Variants in FANK1 observed in about 807,000 individuals in gnomAD.
FANK1 encodes the protein fibronectin type III and ankyrin repeat domains 1.
FANK1 carries 44 observed loss-of-function variants against 45.3 expected under a neutral mutation model. The ratio of observed to expected loss-of-function variants is 0.97; its 90% CI spans 0.76 to 1.25. FANK1 has a LOEUF of 1.25. Among genes scored for constraint, FANK1 ranks in the 50% most tolerant of loss-of-function variants. The pLI, the probability that FANK1 is intolerant of heterozygous loss-of-function variation, is 0.00. For missense variants in FANK1, 391 were observed against 424.4 expected (o/e 0.92, Z 0.69); for synonymous variants, 149 against 152.5 (o/e 0.98, Z 0.17).
At chr10:125,931,961 G>A (rs955881030) in intron 1 of FANK1, among the ~76,000 whole-genome samples, 1 of 152,058 alleles carries the variant, frequency 6.6e-6, no homozygotes, top group African/African-American at 2.4e-5. Context: ...TGTTGAAAAG[G>A]GTGTCTTTTC....
chr10:125,979,508 C>T (rs1951063840), intron 1 of FANK1, among the ~76,000 whole-genome samples: 1 of 152,180 alleles, frequency 6.6e-6, no homozygotes, highest in African/African-American at 2.4e-5. Flanking sequence ...AATATCCTCT[C>T]CCTATCTTGT....
At chr10:126,008,571 T>C (rs370673257) in intron 8 of FANK1, 21 bp downstream of exon 8, 18 of 1,591,656 alleles carry the variant, frequency 1.1e-5, no homozygotes, top group Non-Finnish European at 1.5e-5. Flanking sequence ...CTCCCGAAAA[T>C]AGGCAGTTTT....
At chr10:125,969,944 T>C (rs547420580) in intron 1 of FANK1, among the ~76,000 whole-genome samples, 22 of 152,120 alleles carry the variant, frequency 1.4e-4, no homozygotes, top group Non-Finnish European at 2.6e-4. Flanking sequence ...GGGTTGGGGG[T>C]AAGGTTATAT....
intron 1 of FANK1, among the ~76,000 whole-genome samples, chr10:125,966,338 T>C (rs1950200338): frequency 6.6e-6 from 1 of 152,148 alleles, no homozygotes; most frequent in African/African-American, 2.4e-5. Flanking sequence ...CTTGCCTCTT[T>C]ATCCCGAGAC....
chr10:125,945,978 G>A (rs187700936), intron 1 of FANK1, among the ~76,000 whole-genome samples: 2,737 of 152,242 alleles, frequency 0.018, 48 homozygotes, highest in Non-Finnish European at 0.03. Flanking sequence ...TAACTGGGAG[G>A]CACCCCGCAG....
Position 125,935,582 on chromosome 10 carries a change from C to T in FANK1, c.13+38927C>T, listed in dbSNP as rs537059263. On this transcript the variant is annotated intron_variant, in intron 1 of 10. Transcript: ENST00000368693. The stretch of plus-strand genomic sequence containing the variant: ...GGAGTTGTCTTTAAGAAAAAGAATG[C>T]TGATTATAAACACAAAAAAGATTAT... Among the ~76,000 whole-genome samples, 42 of 152,152 alleles carry T rather than the reference C, an allele frequency of 2.8e-4. No individual in the cohort carries two copies. In the South Asian group the frequency reaches 7.3e-3, roughly 26 times the overall value.
rs146212509 is a variant in FANK1, at chr10:126,004,966, C to A, written c.622C>A (p.Leu208Met). ...TGGCGCTTCTTGGCAGGCTAGAGAC[C>A]TGGGAGGCTGTACAGCTCTGCACTG... ...RHGASWQARD[L>M]GGCTALHWAA... The change falls in exon 7 of 11, where the codon CTG becomes ATG. Residue 208 changes from leucine (L) to methionine (M), a missense_variant. Coordinates refer to ENST00000368693, the MANE Select transcript of FANK1 (RefSeq NM_145235.5). 4.3e-6 allele frequency: 7 copies of A among 1,614,178 alleles called. No individual in the cohort carries two copies. Among genetic ancestry groups the A allele is most frequent in the African/African-American group, 1.3e-5 (1 of 75,038 alleles).
At chr10:125,997,176 A>G (rs1952396983) in intron 5 of FANK1, among the ~76,000 whole-genome samples, 1 of 152,188 alleles carries the variant, frequency 6.6e-6, no homozygotes, top group Non-Finnish European at 1.5e-5. Context: ...GATTTGTTTC[A>G]TGTGCTTTCA....
intron 1 of FANK1, among the ~76,000 whole-genome samples, chr10:125,913,885 T>C (rs1946233536): frequency 6.6e-6 from 1 of 152,132 alleles, no homozygotes; most frequent in East Asian, 1.9e-4. Context: ...AAACACTTGA[T>C]ATTGACTATG....
At chr10:125,902,128 G>A (rs563208565) in intron 1 of FANK1, among the ~76,000 whole-genome samples, 3 of 152,124 alleles carry the variant, frequency 2.0e-5, no homozygotes, top group Non-Finnish European at 4.4e-5. Context: ...GGGGGAGGAG[G>A]GAGGGATAGC....
intron 1 of FANK1, among the ~76,000 whole-genome samples, chr10:125,925,546 G>A (rs1207044694): frequency 6.6e-6 from 1 of 152,062 alleles, no homozygotes; most frequent in East Asian, 1.9e-4. Context: ...AGTGATGTGT[G>A]CCACCACCGC....
At chr10:125,971,855 T>C (rs964492479) in intron 1 of FANK1, among the ~76,000 whole-genome samples, 5 of 152,246 alleles carry the variant, frequency 3.3e-5, no homozygotes, top group South Asian at 2.1e-4. Flanking sequence ...ATCTCGTGAC[T>C]TTGTGATTCG....
intron 4 of FANK1, among the ~76,000 whole-genome samples, chr10:125,995,913 A>C (rs1382353847): frequency 2.0e-5 from 3 of 152,224 alleles, no homozygotes; most frequent in Non-Finnish European, 2.9e-5. Context: ...GAAATGGTGA[A>C]TATAGCTGCT....
chr10:126,009,310 T>C (rs1475201441), intron 10 of FANK1, 44 bp downstream of exon 10: 1 of 1,614,012 alleles, frequency 6.2e-7, no homozygotes, highest in African/African-American at 1.3e-5. Flanking sequence ...TTTTAGTCCT[T>C]CTAGACTCAG....
intron 1 of FANK1, among the ~76,000 whole-genome samples, chr10:125,905,721 C>T (rs61873380): frequency 9.8e-3 from 907 of 92,902 alleles, no homozygotes; most frequent in Middle Eastern, 0.034. Context: ...AGTCTAGTTT[C>T]GATATCAAGT....
intron 1 of FANK1, among the ~76,000 whole-genome samples, chr10:125,931,446 T>G (rs528175437): frequency 1.3e-5 from 2 of 152,362 alleles, no homozygotes; most frequent in African/African-American, 2.4e-5. Flanking sequence ...GTGGTTTTGA[T>G]CTGCATTTCC....
Position 125,992,984 on chromosome 10 carries a change from AG to A in FANK1, c.317-2430del, listed in dbSNP as rs201831683. ...TACTGCAGTGTTTACTAAGTACTAA[AG>A]GGAAGGAGTGGGCCTCATGGAAGAC... On this transcript the variant is annotated intron_variant, in intron 3 of 10. Transcript: ENST00000368693. Among the ~76,000 whole-genome samples, 971 of 152,304 alleles carry A rather than the reference AG, an allele frequency of 6.4e-3. 3 individuals are homozygous for A. Among genetic ancestry groups the A allele is most frequent in the Middle Eastern group, 0.014 (4 of 294 alleles).
At chr10:125,988,106 C>T (rs1951686831) in intron 2 of FANK1, among the ~76,000 whole-genome samples, 1 of 152,216 alleles carries the variant, frequency 6.6e-6, no homozygotes, top group Non-Finnish European at 1.5e-5. Context: ...GTGACTTCTT[C>T]AGGTCCTTTC....
At chr10:125,953,471 GCT>G in intron 1 of FANK1, among the ~76,000 whole-genome samples, 1 of 152,304 alleles carries the variant, frequency 6.6e-6, no homozygotes, top group East Asian at 1.9e-4. Context: ...CACCAGATCA[GCT>G]CTGTTTTTAT....
Sources: gnomAD v4.1 joint callset for allele counts (sites outside exome capture counted in the v4.1 genomes callset) on GRCh38, gnomAD v4.1.1 for gene constraint, MANE v1.5 for transcripts, NCBI Gene and HGNC (gene_info 2026-07-23, HGNC 2026-07-21) for gene names.